OPHN1: variants seen among roughly 807,000 people sequenced by gnomAD.
OPHN1 encodes the protein oligophrenin-1.
Under a neutral mutation model 60.7 loss-of-function variants are expected in OPHN1, and 11 were observed. The ratio of observed to expected loss-of-function variants is 0.18; its 90% CI spans 0.11 to 0.30. The LOEUF (loss-of-function observed/expected upper bound fraction) is 0.30. Ranked by LOEUF, OPHN1 falls within the 10% of genes least tolerant of loss-of-function variation. The probability of loss-of-function intolerance (pLI) is 1.00; values close to 1 mark genes in which losing one functional copy is unlikely to be tolerated. For synonymous variants in OPHN1, 226 were observed against 222.6 expected (o/e 1.02, Z -0.14); for missense variants, 449 against 611.0 (o/e 0.73, Z 2.80).
chrX:68,282,908 C>A, intron 4 of OPHN1, 148 bp downstream of exon 4: 2 of 464,962 alleles, frequency 4.3e-6, no homozygotes, highest in East Asian at 3.9e-5. Flanking sequence ...GACATAATAA[C>A]CAGATCTATT....
At chrX:68,217,911 G>A (rs1443909548) in intron 6 of OPHN1, among the ~76,000 whole-genome samples, 5 of 104,977 alleles carry the variant, frequency 4.8e-5, no homozygotes, top group African/African-American at 1.6e-4. Context: ...CACCAGCAAC[G>A]GAACAAAGCT....
intron 21 of OPHN1, among the ~76,000 whole-genome samples, chrX:68,057,937 A>T (rs2076879234): frequency 9.0e-6 from 1 of 111,656 alleles, no homozygotes; most frequent in South Asian, 3.8e-4. Context: ...GAATGAGCCA[A>T]TGATCTAAGT....
chrX:68,268,108 GTACAGAATACAGAGGTACAGAA>G lies in OPHN1; in HGVS notation c.384+6608_384+6629del, dbSNP rs972918807. On this transcript the variant is annotated intron_variant, in intron 5 of 24. Transcript: ENST00000355520. Reference sequence around the variant, plus strand: ...CAGCCGAATTCTACAGAATACAGAGGTACAGAATACAGAGGTACAGAATACAGAATACAGAGGTACAGAATAC... The same window carrying G: ...CAGCCGAATTCTACAGAATACAGAGGTACAGAATACAGAGGTACAGAATAC... Among the ~76,000 whole-genome samples the G allele has an allele frequency of 1.1e-4, 12 of 110,922 alleles. 1 individual carries two copies.
At chrX:68,269,347 G>T (rs191727949) in intron 5 of OPHN1, among the ~76,000 whole-genome samples, 8 of 111,366 alleles carry the variant, frequency 7.2e-5, no homozygotes, top group African/African-American at 2.3e-4. Flanking sequence ...ATACTACAAG[G>T]CTTCAGTAAC....
At chrX:68,306,829 C>T (rs1257612139) in intron 2 of OPHN1, among the ~76,000 whole-genome samples, 1 of 110,936 alleles carries the variant, frequency 9.0e-6, no homozygotes, top group Non-Finnish European at 1.9e-5. Context: ...CTCAAGTGAT[C>T]CTCCCACCTC....
At chrX:68,207,735 C>T (rs2077565996) in intron 9 of OPHN1, among the ~76,000 whole-genome samples, 1 of 111,664 alleles carries the variant, frequency 9.0e-6, no homozygotes, top group Non-Finnish European at 1.9e-5. Flanking sequence ...TCTTTTGGCA[C>T]CTCACCTCTA....
intron 5 of OPHN1, among the ~76,000 whole-genome samples, chrX:68,257,611 C>A (rs1254459564): frequency 2.7e-5 from 3 of 111,640 alleles, no homozygotes. Context: ...CCTTCCTCTA[C>A]CAACAAAATA....
chrX:68,347,510 G>A (rs768921173), intron 2 of OPHN1, among the ~76,000 whole-genome samples: 2 of 110,772 alleles, frequency 1.8e-5, no homozygotes, highest in East Asian at 2.8e-4. Flanking sequence ...TAGAGATGAG[G>A]TCTCTCTATG....
At chrX:68,249,723 A>G (rs1202810974) in intron 5 of OPHN1, among the ~76,000 whole-genome samples, 1 of 111,403 alleles carries the variant, frequency 9.0e-6, no homozygotes, top group African/African-American at 3.3e-5. Flanking sequence ...CACTTGCACC[A>G]GTCCCCGAGG....
chrX:68,267,155 A>T lies in OPHN1; in HGVS notation c.384+7583T>A, dbSNP rs1284388219. 8.3e-4 allele frequency among the ~76,000 whole-genome samples: 93 copies of T among 111,413 alleles called. 3 individuals are homozygous for T. The highest frequency in any genetic ancestry group is 1.9e-5 in the Non-Finnish European group (1 of 53,175). The stretch of plus-strand genomic sequence containing the variant: ...GTTAACAAGGATATCCAGGAATTGA[A>T]CTCAGCTCTGCAGCAAGCAGACCTA... On this transcript the variant is annotated intron_variant, in intron 5 of 24. Coordinates refer to ENST00000355520, the MANE Select transcript of OPHN1 (RefSeq NM_002547.3).
chrX:68,195,847 G>A (rs1338674063), intron 12 of OPHN1, among the ~76,000 whole-genome samples: 1 of 111,969 alleles, frequency 8.9e-6, no homozygotes, highest in African/African-American at 3.2e-5. Context: ...GATCAAGTTG[G>A]TATGGATCCA....
chrX:68,154,892 C>CACACAT (rs2077302221), intron 15 of OPHN1, among the ~76,000 whole-genome samples: 1 of 107,653 alleles, frequency 9.3e-6, no homozygotes, highest in Non-Finnish European at 1.9e-5. Context: ...CACACACACA[C>CACACAT]ACATAAACGG....
At chrX:68,217,399 AGGAAGCTCGAACTG>A (rs1241604619) in intron 6 of OPHN1, among the ~76,000 whole-genome samples, 4 of 112,175 alleles carry the variant, frequency 3.6e-5, no homozygotes, top group African/African-American at 1.3e-4. Context: ...CAAAGCAGCC[AGGAAGCTCGAACTG>A]GGTGGAGCCC....
At chrX:68,321,499 C>T (rs2078235065) in intron 2 of OPHN1, among the ~76,000 whole-genome samples, 1 of 111,994 alleles carries the variant, frequency 8.9e-6, no homozygotes, top group African/African-American at 3.2e-5. Flanking sequence ...GAAAGTCTCC[C>T]AGCATGAAGC....
At chrX:68,352,449 G>A in intron 2 of OPHN1, among the ~76,000 whole-genome samples, 1 of 109,568 alleles carries the variant, frequency 9.1e-6, no homozygotes, top group East Asian at 2.9e-4. Context: ...TGATCCCAAA[G>A]CCCAATGATT....
intron 3 of OPHN1, among the ~76,000 whole-genome samples, chrX:68,297,325 A>AG (rs2078100380): frequency 8.9e-6 from 1 of 111,981 alleles, no homozygotes; most frequent in South Asian, 3.7e-4. Flanking sequence ...TTACTTGCCA[A>AG]GGTTACAGAG....
intron 19 of OPHN1, among the ~76,000 whole-genome samples, chrX:68,081,576 A>G (rs1325004450): frequency 8.9e-6 from 1 of 112,058 alleles, no homozygotes; most frequent in Admixed American, 9.4e-5. Context: ...TGGTGCTTAT[A>G]CTATACTGTA....
chrX:68,293,142 G>C (rs900607343), intron 3 of OPHN1, among the ~76,000 whole-genome samples: 1 of 110,934 alleles, frequency 9.0e-6, no homozygotes. Flanking sequence ...TTTCATTTTA[G>C]CCATTCCTCT....
chrX:68,229,980 T>C (rs1297330751), intron 6 of OPHN1, among the ~76,000 whole-genome samples: 1 of 111,913 alleles, frequency 8.9e-6, no homozygotes, highest in Non-Finnish European at 1.9e-5. Context: ...ACAGGCAACC[T>C]ACAGAATGAG....
Sources: gnomAD v4.1 joint callset for allele counts (sites outside exome capture counted in the v4.1 genomes callset) on GRCh38, gnomAD v4.1.1 for gene constraint, MANE v1.5 for transcripts, NCBI Gene and HGNC (gene_info 2026-07-23, HGNC 2026-07-21) for gene names.